Variants in CHD2 observed in about 807,000 individuals in gnomAD.
CHD2 encodes chromodomain helicase DNA binding protein 2, also known as ATP-dependent chromatin remodeler CHD2.
Under a neutral mutation model 243.9 loss-of-function variants are expected in CHD2, and 28 were observed. The ratio of observed to expected loss-of-function variants is 0.11; its 90% CI spans 0.09 to 0.16. CHD2 has a LOEUF of 0.16. CHD2 is among the 10% of genes least tolerant of loss of function. CHD2 has a pLI of 1.00. For synonymous variants in CHD2, 775 were observed against 779.0 expected (o/e 0.99, Z 0.09); for missense variants, 1,386 against 2,209.8 (o/e 0.63, Z 7.47).
intron 16 of CHD2, among the ~76,000 whole-genome samples, chr15:92,962,070 C>G (rs1002805092): frequency 6.6e-6 from 1 of 151,430 alleles, no homozygotes; most frequent in African/African-American, 2.4e-5. Flanking sequence ...TTAGTAGAGA[C>G]GAGGTTTCAC....
Position 92,905,113 on chromosome 15 carries a change from C to T in CHD2, c.62+3814C>T, listed in dbSNP as rs930454068. ...AACATTAAAAAGTGGCAGAATACAG[C>T]GTTAGGCAACCATTACTATGTAAGT... On this transcript the variant is annotated intron_variant, in intron 2 of 38. Coordinates refer to ENST00000394196, the MANE Select transcript of CHD2 (RefSeq NM_001271.4). The T allele has an allele frequency of 4.3e-6, 4 of 934,188 alleles. No individual in the cohort carries two copies. The African/African-American group carries it at 6.7e-5, about 16-fold the overall frequency. 57.9% of individuals were successfully genotyped at this position (934,188 alleles called of 1,614,324 possible).
At position 92,976,191 on chromosome 15, in the gene CHD2, GA is replaced by G. The variant is rs61415403; in HGVS notation, c.2577+1251del. ...TGTTTCATATTGCCCTGTCTCAGGG[GA>G]AAAAAAAAATTGCTTTTTGCATAGC... On this transcript the variant is annotated intron_variant, in intron 20 of 38. Coordinates refer to ENST00000394196, the MANE Select transcript of CHD2 (RefSeq NM_001271.4). Among the ~76,000 whole-genome samples the G allele has an allele frequency of 8.4e-3, 1,251 of 149,360 alleles. 54 individuals carry two copies. The highest frequency in any genetic ancestry group is 0.07 in the Admixed American group (1,053 of 15,002).
At position 93,000,557 on chromosome 15, in the gene CHD2, G is replaced by A. The variant is rs1270251052; in HGVS notation, c.4054G>A (p.Val1352Met). ...RKPRVKKENK[V>M]PRLKEEHGIE... ...GCCTCGGGTAAAGAAGGAAAACAAA[G>A]TGCCCAGGCTGAAAGAGGAGCATGG... The change falls in exon 32 of 39, where the codon GTG becomes ATG. Residue 1352 changes from valine (V) to methionine (M), a missense_variant. Physicochemically the swap from Val to Met is conservative, Grantham distance 21. Around this residue, in one of 19 missense-constraint regions of CHD2, gnomAD observed 125 missense variants for 128.9 expected, o/e 0.97. Transcript: ENST00000394196. 3.1e-6 allele frequency: 5 copies of A among 1,613,596 alleles called. No homozygotes were observed. In the African/African-American group the frequency reaches 4.0e-5, roughly 13 times the overall value.
chr15:92,909,470 T>C lies in CHD2; in HGVS notation c.62+8171T>C, dbSNP rs966976607. On this transcript the variant is annotated intron_variant, in intron 2 of 38. Transcript: ENST00000394196. ...CCTGCTAGCTGGTAATCTTTCACTT[T>C]GGATTTTTTGTTGTTGTTGGGACAG... 2.6e-4 allele frequency among the ~76,000 whole-genome samples: 39 copies of C among 152,314 alleles called. 1 individual carries two copies. Among genetic ancestry groups the C allele is most frequent in the Admixed American group, 2.5e-3 (38 of 15,304 alleles).
At chr15:92,961,770 T>C (rs1183362194) in intron 16 of CHD2, among the ~76,000 whole-genome samples, 2 of 152,078 alleles carry the variant, frequency 1.3e-5, no homozygotes, top group Admixed American at 1.3e-4. Flanking sequence ...GTAATTTGTA[T>C]CTTAGCTCTT....
At chr15:92,950,611 G>A (rs536392098) in intron 13 of CHD2, among the ~76,000 whole-genome samples, 129 of 152,126 alleles carry the variant, frequency 8.5e-4, no homozygotes, top group Non-Finnish European at 1.4e-3. Context: ...AAAATTAGCT[G>A]GACATGGTGG....
intron 2 of CHD2, among the ~76,000 whole-genome samples, chr15:92,908,112 A>C (rs2052656319): frequency 6.9e-6 from 1 of 144,602 alleles, no homozygotes; most frequent in African/African-American, 2.6e-5. Flanking sequence ...GGCTTTTGCC[A>C]GTTAGTCTGA....
chr15:93,014,941 T>A (rs752982820), intron 37 of CHD2, 32 bp downstream of exon 37: 3 of 1,570,854 alleles, frequency 1.9e-6, no homozygotes, highest in African/African-American at 2.7e-5. Flanking sequence ...TTAAAAGAGG[T>A]GCCAAAAGAT....
At chr15:92,923,561 G>GTTTT (rs1199703270) in intron 2 of CHD2, among the ~76,000 whole-genome samples, 20 of 121,522 alleles carry the variant, frequency 1.6e-4, no homozygotes, top group East Asian at 4.6e-4. Context: ...TGTCCAGCTT[G>GTTTT]TTTTTTTTTT....
Position 93,027,557 on chromosome 15 carries a change from G to C in CHD2, c.*2852G>C, listed in dbSNP as rs1426979681. On this transcript the variant is annotated 3_prime_UTR_variant, in exon 39 of 39. Transcript: ENST00000394196. ...GCTGTGCTGCAGACATTCTGGCCTG[G>C]TGTGTCTGAAAGTTGCATCAGTCCT... The C allele has an allele frequency of 6.6e-6, 1 of 152,634 alleles. No individual in the cohort carries two copies. Among genetic ancestry groups the C allele is most frequent in the Non-Finnish European group, 1.5e-5 (1 of 68,048 alleles). The allele number at this position is 152,634 out of a possible 1,614,324, so 9.5% of individuals were successfully genotyped here.
chr15:92,934,564 A>G (rs1007792308), intron 5 of CHD2, among the ~76,000 whole-genome samples: 1 of 152,172 alleles, frequency 6.6e-6, no homozygotes, highest in Non-Finnish European at 1.5e-5. Context: ...TGGAGTCTTG[A>G]TAAGATTTGC....
At chr15:92,911,071 C>T (rs920331004) in intron 2 of CHD2, among the ~76,000 whole-genome samples, 3 of 152,168 alleles carry the variant, frequency 2.0e-5, no homozygotes, top group Non-Finnish European at 2.9e-5. Flanking sequence ...TTGTATATGA[C>T]ACCAGTCATT....
intron 5 of CHD2, among the ~76,000 whole-genome samples, chr15:92,935,279 G>A (rs896829893): frequency 6.6e-6 from 1 of 152,020 alleles, no homozygotes; most frequent in South Asian, 2.1e-4. Flanking sequence ...CTCGTGATCC[G>A]CCCGCCTCGG....
chr15:92,934,295 T>C (rs1243178225), intron 5 of CHD2, among the ~76,000 whole-genome samples: 1 of 152,256 alleles, frequency 6.6e-6, no homozygotes, highest in Non-Finnish European at 1.5e-5. Flanking sequence ...CACATTTAAA[T>C]TGCATTTTGA....
Position 92,946,162 on chromosome 15 carries a change from T to C in CHD2, c.1323T>C (p.Ile441=). 2 of 1,613,804 alleles carry C rather than the reference T, an allele frequency of 1.2e-6. No individual in the cohort carries two copies. Among genetic ancestry groups the C allele is most frequent in the Non-Finnish European group, 1.7e-6 (2 of 1,179,782 alleles). ...TTGGAAAGAAATTCCAGAATTGCAT[T>C]GACAGCTTCCACAGTAGGAACAACT... The part of the protein sequence containing the change: ...ALIGKKFQNC[I]DSFHSRNNSK... The change falls in exon 12 of 39, where the codon ATT becomes ATC. Residue 441 remains isoleucine (I), a synonymous_variant. Transcript: ENST00000394196.
At chr15:92,958,442 C>T (rs753420973) in intron 16 of CHD2, among the ~76,000 whole-genome samples, 4 of 152,142 alleles carry the variant, frequency 2.6e-5, no homozygotes, top group Non-Finnish European at 4.4e-5. Flanking sequence ...ACTCAGGCGT[C>T]GTGTTCCGTC....
chr15:93,017,779 T>G (rs1470601786), intron 37 of CHD2, among the ~76,000 whole-genome samples: 1 of 152,218 alleles, frequency 6.6e-6, no homozygotes, highest in Non-Finnish European at 1.5e-5. Context: ...AATTATTTCA[T>G]CACCATTTTG....
chr15:93,001,380 T>C (rs1596449936), intron 32 of CHD2, among the ~76,000 whole-genome samples: 1 of 152,206 alleles, frequency 6.6e-6, no homozygotes, highest in East Asian at 1.9e-4. Context: ...GTTGGTATCA[T>C]TTAGTGTGCT....
intron 37 of CHD2, among the ~76,000 whole-genome samples, chr15:93,019,583 C>T (rs2054505809): frequency 6.6e-6 from 1 of 152,154 alleles, no homozygotes. Flanking sequence ...CTTACTTCAG[C>T]AGCATACCTA....
Sources: allele counts gnomAD v4.1 joint callset (sites outside exome capture counted in the v4.1 genomes callset), GRCh38; gene constraint gnomAD v4.1.1; regional missense constraint gnomAD v4.1.1; transcripts MANE v1.5; gene names NCBI Gene and HGNC (gene_info 2026-07-23, HGNC 2026-07-21).